Variants in PAK3 observed in about 807,000 individuals in gnomAD.
PAK3 encodes the protein p21 (RAC1) activated kinase 3.
Under a neutral mutation model 41.0 loss-of-function variants are expected in PAK3, and 4 were observed. The observed-to-expected ratio is 0.10, with a 90% CI of 0.05 to 0.22. PAK3 has a LOEUF of 0.22. Ranked by LOEUF, PAK3 falls within the 10% of genes least tolerant of loss-of-function variation. PAK3 has a pLI of 1.00. For missense variants in PAK3, 205 were observed against 409.9 expected (o/e 0.50, Z 4.32); for synonymous variants, 146 against 139.6 (o/e 1.05, Z -0.32).
At position 111,103,211 on chromosome X, in the gene PAK3, G is replaced by A. The variant is rs923438365; in HGVS notation, c.-123G>A. ...CCTTGCATCTTGTGGCAGCTGGTGT[G>A]CCCAGCACTGAGTCTGTAGGAGCTG... On this transcript the variant is annotated 5_prime_UTR_variant, in exon 4 of 18. Coordinates refer to ENST00000372007, the MANE Select transcript of PAK3 (RefSeq NM_002578.5). The A allele has an allele frequency of 5.4e-5, 6 of 112,030 alleles. No individual in the cohort carries two copies. Among genetic ancestry groups the A allele is most frequent in the Non-Finnish European group, 1.1e-4 (6 of 53,209 alleles). 9.2% of individuals were successfully genotyped at this position (112,030 alleles called of 1,213,427 possible).
chrX:111,185,292 T>G (rs975255350), intron 11 of PAK3, among the ~76,000 whole-genome samples: 2 of 111,945 alleles, frequency 1.8e-5, no homozygotes, highest in Admixed American at 1.9e-4. Context: ...ATTCTGGATA[T>G]TAGCCCTTTG....
At chrX:111,059,343 T>A (rs1430814299) in intron 1 of PAK3, among the ~76,000 whole-genome samples, 12 of 110,717 alleles carry the variant, frequency 1.1e-4, no homozygotes, top group African/African-American at 3.9e-4. Flanking sequence ...TATTTTTTTG[T>A]AATTTTTTTG....
In PAK3 at chrX:111,147,983, C is replaced by T. The variant is rs137951197; in HGVS notation, c.430+93C>T. 246 of 744,770 alleles carry T rather than the reference C, an allele frequency of 3.3e-4. 1 individual carries two copies. In the African/African-American group the frequency reaches 4.4e-3, roughly 13 times the overall value. The allele number at this position is 744,770 out of a possible 1,213,427, so 61.4% of individuals were successfully genotyped here. The stretch of plus-strand genomic sequence containing the variant: ...AAAATGTCTGTGGGACATTTGAAAT[C>T]GATTCTAGTACCTTCTTCAAATGAC... On this transcript the variant is annotated intron_variant, in intron 7 of 17. Transcript: ENST00000372007.
At chrX:111,183,719 T>G (rs2094482041) in intron 11 of PAK3, among the ~76,000 whole-genome samples, 1 of 111,909 alleles carries the variant, frequency 8.9e-6, no homozygotes, top group South Asian at 3.8e-4. Flanking sequence ...AGATTCCTGA[T>G]AATGAAACTG....
chrX:111,069,831 G>C (rs1176029577), intron 1 of PAK3, among the ~76,000 whole-genome samples: 1 of 111,248 alleles, frequency 9.0e-6, no homozygotes, highest in African/African-American at 3.3e-5. Context: ...TTTCCTTTCT[G>C]TGACACTTCC....
At chrX:111,179,701 C>T (rs897994819) in intron 11 of PAK3, among the ~76,000 whole-genome samples, 5 of 111,635 alleles carry the variant, frequency 4.5e-5, no homozygotes, top group Non-Finnish European at 7.5e-5. Context: ...TATCGTAAGT[C>T]TGTATACCCT....
chrX:111,160,196 C>T (rs1302386550), intron 8 of PAK3, among the ~76,000 whole-genome samples: 1 of 111,296 alleles, frequency 9.0e-6, no homozygotes, highest in Non-Finnish European at 1.9e-5. Context: ...TAGCACTGTC[C>T]AACAAATATA....
intron 4 of PAK3, among the ~76,000 whole-genome samples, chrX:111,103,571 C>T (rs901785360): frequency 1.8e-5 from 2 of 111,772 alleles, no homozygotes; most frequent in African/African-American, 6.5e-5. Flanking sequence ...TTGCCAAGTC[C>T]GTTGCAGATG....
chrX:111,045,336 C>A (rs932485889), intron 1 of PAK3, among the ~76,000 whole-genome samples: 2 of 112,246 alleles, frequency 1.8e-5, no homozygotes, highest in Admixed American at 1.9e-4. Flanking sequence ...GCCAGGTTGC[C>A]AGAATTATGT....
Position 111,162,823 on chromosome X carries a change from C to T in PAK3, c.469-92C>T, listed in dbSNP as rs189909459. The T allele has an allele frequency of 2.3e-4, 197 of 848,794 alleles. No homozygotes were observed. The African/African-American group carries it at 3.6e-3, about 16-fold the overall frequency. 70.0% of individuals were successfully genotyped at this position (848,794 alleles called of 1,213,427 possible). ...AAGATGTAGTTTCCTCCTATCCCTA[C>T]ATGCTTAAATATTTCATTTCCCTTG... On this transcript the variant is annotated intron_variant, in intron 8 of 17. Coordinates refer to ENST00000372007, the MANE Select transcript of PAK3 (RefSeq NM_002578.5).
chrX:110,977,607 GT>G (rs200477062), intron 1 of PAK3, among the ~76,000 whole-genome samples: 3,469 of 110,602 alleles, frequency 0.031, 58 homozygotes, highest in Non-Finnish European at 0.045. Context: ...CATTTTATAA[GT>G]TTTCCACTTA....
chrX:110,946,770 A>G (rs2090628322), intron 1 of PAK3, among the ~76,000 whole-genome samples: 1 of 112,589 alleles, frequency 8.9e-6, no homozygotes, highest in African/African-American at 3.2e-5. Flanking sequence ...AAATATGAAA[A>G]TGCTAGTAAT....
chrX:111,030,833 A>G, intron 1 of PAK3, among the ~76,000 whole-genome samples: 1 of 111,932 alleles, frequency 8.9e-6, no homozygotes, highest in East Asian at 2.8e-4. Flanking sequence ...TAACAGTGAT[A>G]CAAATGCTGC....
At position 111,216,528 on chromosome X, in the gene PAK3, T is replaced by G; in HGVS notation, c.1515T>G (p.Asp505Glu). The change falls in exon 17 of 18, where the codon GAT (aspartate) becomes GAG (glutamate). Residue 505 changes from aspartate (D) to glutamate (E), a missense_variant. Asp to Glu is a conservative substitution (Grantham distance 45). Around this residue, in one of 5 missense-constraint regions of PAK3, gnomAD observed 40 missense variants for 54.4 expected, o/e 0.74. Transcript: ENST00000372007. The part of the protein sequence containing the change: ...FLNRCLEMDV[D>E]RRGSAKELLQ... The stretch of plus-strand genomic sequence containing the variant: ...ATCGCTGTCTTGAGATGGATGTGGA[T>G]AGGCGAGGATCTGCCAAGGAGCTTT... 4.2e-6 allele frequency: 5 copies of G among 1,201,314 alleles called. No individual in the cohort carries two copies. Among genetic ancestry groups the G allele is most frequent in the Non-Finnish European group, 5.6e-6 (5 of 886,024 alleles).
intron 16 of PAK3, among the ~76,000 whole-genome samples, chrX:111,207,754 T>G (rs2094770085): frequency 8.9e-6 from 1 of 112,055 alleles, no homozygotes; most frequent in Non-Finnish European, 1.9e-5. Flanking sequence ...TGTCTAGGCC[T>G]AGGCTAATGT....
chrX:111,142,022 A>G (rs781225728), intron 5 of PAK3, 74 bp from the exon 6 acceptor site: 13 of 593,645 alleles, frequency 2.2e-5, no homozygotes, highest in Admixed American at 6.7e-5. Context: ...AATTGTTTTG[A>G]TGAACCTAAT....
intron 1 of PAK3, among the ~76,000 whole-genome samples, chrX:111,029,078 T>A (rs1382634968): frequency 1.8e-5 from 2 of 111,685 alleles, no homozygotes; most frequent in Non-Finnish European, 3.8e-5. Context: ...TGCAGGCTGC[T>A]GTGGGCTGTG....
chrX:111,006,088 T>TA (rs767123908), intron 1 of PAK3, among the ~76,000 whole-genome samples: 3 of 111,622 alleles, frequency 2.7e-5, no homozygotes, highest in Non-Finnish European at 3.8e-5. Context: ...TGGAAAACTT[T>TA]AAAAAATATA....
intron 4 of PAK3, among the ~76,000 whole-genome samples, chrX:111,111,664 T>A (rs2093373478): frequency 8.9e-6 from 1 of 112,063 alleles, no homozygotes; most frequent in African/African-American, 3.2e-5. Context: ...TTATTTTTCA[T>A]CTCCATTCTA....
Sources: allele counts gnomAD v4.1 joint callset (sites outside exome capture counted in the v4.1 genomes callset), GRCh38; gene constraint gnomAD v4.1.1; regional missense constraint gnomAD v4.1.1; transcripts MANE v1.5; gene names NCBI Gene and HGNC (gene_info 2026-07-23, HGNC 2026-07-21).